The following ATP1A2 variants were observed in gnomAD, a reference collection of about 807,000 sequenced individuals.
ATP1A2 encodes the protein ATPase Na+/K+ transporting subunit alpha 2.
In ATP1A2, 56 loss-of-function variants were observed where a neutral mutation model predicts 113.1. The ratio of observed to expected loss-of-function variants is 0.49; its 90% CI spans 0.40 to 0.62. The LOEUF (loss-of-function observed/expected upper bound fraction) is 0.62, where lower values mean the gene tolerates loss of function less well. ATP1A2 is among the 20% of genes least tolerant of loss of function. ATP1A2 has a pLI of 0.00. For synonymous variants in ATP1A2, 490 were observed against 526.8 expected, an observed-to-expected ratio of 0.93 and a Z score of 0.96; for missense variants, 712 against 1,357.8, an observed-to-expected ratio of 0.52 and a Z score of 7.47.
intron 22 of ATP1A2, chr1:160,140,534 G>T: frequency 5.8e-6 from 1 of 172,212 alleles, no homozygotes; most frequent in Non-Finnish European, 1.3e-5. Flanking sequence ...GGGGGAGGAG[G>T]GTGGATTAAT....
intron 1 of ATP1A2, among the ~76,000 whole-genome samples, chr1:160,117,312 A>G (rs1282512053): frequency 6.6e-6 from 1 of 152,164 alleles, no homozygotes; most frequent in Non-Finnish European, 1.5e-5. Context: ...GGATCAGATA[A>G]GCCCTCCATT....
chr1:160,129,490 T>A, intron 11 of ATP1A2, 90 bp downstream of exon 11: 1 of 1,578,286 alleles, frequency 6.3e-7, no homozygotes, highest in Non-Finnish European at 8.6e-7. Context: ...CTAGCAGGAG[T>A]GGGGGTGTCT....
rs547954866 is a variant in ATP1A2 at position 160,128,837 on chromosome 1, C to T, written c.1203C>T (p.Thr401=). The change falls in exon 9 of 23, where the codon ACC becomes ACT. Residue 401 remains threonine, a synonymous_variant. Coordinates refer to ENST00000361216, the MANE Select transcript of ATP1A2 (RefSeq NM_000702.4). ...ACCAAATCCATGAGGCTGACACCAC[C>T]GAAGATCAGTCTGGTGATTGGGTGC... The part of the protein sequence containing the change: ...FDNQIHEADT[T]EDQSGATFDK... 6.6e-5 allele frequency: 106 copies of T among 1,614,100 alleles called. No homozygotes were observed. The South Asian group carries it at 6.6e-4, about 10-fold the overall frequency.
At chr1:160,127,967 A>G in intron 8 of ATP1A2, 147 bp downstream of exon 8, 1 of 1,176,486 alleles carries the variant, frequency 8.5e-7, no homozygotes, top group Non-Finnish European at 1.2e-6. Flanking sequence ...CACTTAATAC[A>G]TGGCTTAGGG....
Position 160,135,996 on chromosome 1 carries a change from G to A in ATP1A2, c.2439+3G>A. The stretch of plus-strand genomic sequence containing the variant: ...GCATTGACCTGGGCACAGATATGGT[G>A]AGCGCAGGAGGTGGAGGAGGGGACA... On this transcript the variant is annotated splice_donor_region_variant and intron_variant, in intron 17 of 22. Coordinates refer to ENST00000361216, the MANE Select transcript of ATP1A2 (RefSeq NM_000702.4). This position sits in a 1 kb window ranked among gnomAD's most constrained non-coding sequence, Gnocchi z 6.3. 3.7e-6 allele frequency: 6 copies of A among 1,614,070 alleles called. No homozygotes were observed. In the South Asian group the frequency reaches 4.4e-5, roughly 12 times the overall value.
In ATP1A2 at chr1:160,115,820, G is replaced by C. The variant is rs1427918434; in HGVS notation, c.-42G>C. 1.9e-6 allele frequency: 3 copies of C among 1,580,548 alleles called. No homozygotes were observed. The highest frequency in any genetic ancestry group is 1.8e-5 in the Admixed American group (1 of 54,462). ...CTGGTGTGGGCTTGGGATCCTCCTG[G>C]TGACCTCTCCCGCTAAGGTCCCTCA... On this transcript the variant is annotated 5_prime_UTR_variant, in exon 1 of 23. Coordinates refer to ENST00000361216, the MANE Select transcript of ATP1A2 (RefSeq NM_000702.4).
chr1:160,128,719 T>A lies in ATP1A2; in HGVS notation c.1085T>A (p.Val362Glu). 6.2e-7 allele frequency: 1 copy of A among 1,613,964 alleles called. No individual in the cohort carries two copies. Among genetic ancestry groups the A allele is most frequent in the Non-Finnish European group, 8.5e-7 (1 of 1,179,982 alleles). ...TGCCTGGTGAAGAACCTGGAGGCGGTGGAGACGCTGGGCTCCACGTCCACC... is the reference window on the plus strand; with the variant it reads ...TGCCTGGTGAAGAACCTGGAGGCGGAGGAGACGCTGGGCTCCACGTCCACC... ...KNCLVKNLEA[V>E]ETLGSTSTIC... The change falls in exon 9 of 23, where the codon GTG becomes GAG. Residue 362 changes from valine (V) to glutamate (E), a missense_variant. Coordinates refer to ENST00000361216, the MANE Select transcript of ATP1A2 (RefSeq NM_000702.4).
At chr1:160,131,728 G>T (rs1558007174) in intron 13 of ATP1A2, among the ~76,000 whole-genome samples, 1 of 152,088 alleles carries the variant, frequency 6.6e-6, no homozygotes. Flanking sequence ...CTCCTTGGGA[G>T]GCTGAGGCAG....
At position 160,143,378 on chromosome 1, in the gene ATP1A2, G is replaced by A. The variant is rs946444038; in HGVS notation, c.*2056G>A. On this transcript the variant is annotated 3_prime_UTR_variant, in exon 23 of 23. Transcript: ENST00000361216. ...AGCATAAACAATATTGCTAGAGGTG[G>A]CATGTTTAGTCTACCAAAAACAATA... is the stretch of plus-strand genomic sequence containing the variant. 6.6e-6 allele frequency: 1 copy of A among 152,574 alleles called. No individual in the cohort carries two copies. Among genetic ancestry groups the A allele is most frequent in the Non-Finnish European group, 1.5e-5 (1 of 68,024 alleles). The allele number at this position is 152,574 out of a possible 1,614,324, so 9.5% of individuals were successfully genotyped here.
chr1:160,130,389 C>G, intron 12 of ATP1A2, 33 bp from the exon 13 acceptor site: 1 of 1,614,120 alleles, frequency 6.2e-7, no homozygotes, highest in South Asian at 1.1e-5. Context: ...AGCCACTCTG[C>G]GGATCTCACT....
chr1:160,138,788 C>T (rs1652036538), intron 20 of ATP1A2, among the ~76,000 whole-genome samples: 1 of 151,944 alleles, frequency 6.6e-6, no homozygotes, highest in East Asian at 1.9e-4. Flanking sequence ...TTACAGTGAG[C>T]TGTGATCGTC....
rs565798666 is a variant in ATP1A2, at chr1:160,122,456, G to A, written c.178-757G>A. ...AAAAAGAAACGGTCCCTGCTTTAAA[G>A]GAGCTCAAAGTCTAGTAGCAGAAAA... is the stretch of plus-strand genomic sequence containing the variant. On this transcript the variant is annotated intron_variant, in intron 3 of 22. Coordinates refer to ENST00000361216, the MANE Select transcript of ATP1A2 (RefSeq NM_000702.4). Among the ~76,000 whole-genome samples, 9 of 149,086 alleles carry A rather than the reference G, an allele frequency of 6.0e-5. No individual in the cohort carries two copies. In the South Asian group the frequency reaches 1.9e-3, roughly 32 times the overall value.
chr1:160,119,239 A>C (rs901766637), intron 1 of ATP1A2, among the ~76,000 whole-genome samples: 1 of 125,276 alleles, frequency 8.0e-6, no homozygotes, highest in Admixed American at 9.9e-5. Flanking sequence ...CAAAACCCCC[A>C]AAACTGCATT....
intron 10 of ATP1A2, 67 bp downstream of exon 10, chr1:160,129,156 C>T (rs545633334): frequency 3.7e-4 from 595 of 1,607,800 alleles, no homozygotes; most frequent in Non-Finnish European, 4.5e-4. Flanking sequence ...CTGGCCCCAG[C>T]TTTCCTTCTC....
At chr1:160,127,466 A>G (rs1349234692) in intron 7 of ATP1A2, 86 bp from the exon 8 acceptor site, 1 of 1,596,068 alleles carries the variant, frequency 6.3e-7, no homozygotes. Flanking sequence ...CTATCCTGTG[A>G]TGATTTTCCT....
At position 160,143,137 on chromosome 1, in the gene ATP1A2, G is replaced by C. The variant is rs886045435; in HGVS notation, c.*1815G>C. The C allele has an allele frequency of 1.3e-5, 2 of 152,222 alleles. No homozygotes were observed. Among genetic ancestry groups the C allele is most frequent in the Non-Finnish European group, 2.9e-5 (2 of 68,054 alleles). 9.4% of individuals were successfully genotyped at this position (152,222 alleles called of 1,614,324 possible). On this transcript the variant is annotated 3_prime_UTR_variant, in exon 23 of 23. Coordinates refer to ENST00000361216, the MANE Select transcript of ATP1A2 (RefSeq NM_000702.4). ...AGGAAGCACAAAAGACAAGCATTGG[G>C]TCAGACCCATAAACCACCTCCCAAA...
At position 160,130,635 on chromosome 1, in the gene ATP1A2, C is replaced by T. The variant is rs115534398; in HGVS notation, c.1827+38C>T. 2.0e-3 allele frequency: 3,258 copies of T among 1,613,574 alleles called. 64 individuals carry two copies. The African/African-American group carries it at 0.036, about 18-fold the overall frequency. ...CATCCTCCCCTCCATTCTAGCCTCC[C>T]CCATGCCAGAGTTCAAGGAGCTGCA... On this transcript the variant is annotated intron_variant, in intron 13 of 22. Transcript: ENST00000361216.
intron 1 of ATP1A2, among the ~76,000 whole-genome samples, chr1:160,118,428 C>A (rs1007083718): frequency 2.6e-4 from 39 of 152,134 alleles, no homozygotes; most frequent in Admixed American, 2.0e-4. Flanking sequence ...TTCCTTTTCT[C>A]AGCTCTGTCC....
chr1:160,116,953 GTGTC>G (rs1651204538), intron 1 of ATP1A2, among the ~76,000 whole-genome samples: 1 of 152,154 alleles, frequency 6.6e-6, no homozygotes, highest in Non-Finnish European at 1.5e-5. Context: ...CTGTGTGTCT[GTGTC>G]TGTGTGTGTG....
Sources: gnomAD v4.1 joint callset for allele counts (sites outside exome capture counted in the v4.1 genomes callset) on GRCh38, gnomAD v4.1.1 for gene constraint, Gnocchi (gnomAD v3.1) non-coding constraint, MANE v1.5 for transcripts, NCBI Gene and HGNC (gene_info 2026-07-23, HGNC 2026-07-21) for gene names.